Variants in NR3C2 observed in about 807,000 individuals in gnomAD.
NR3C2 encodes the protein nuclear receptor subfamily 3 group C member 2.
A neutral mutation model predicts 86.4 loss-of-function variants in NR3C2; 15 were observed. The ratio of observed to expected loss-of-function variants is 0.17; its 90% CI spans 0.12 to 0.27. The LOEUF (loss-of-function observed/expected upper bound fraction) is 0.27. Ranked by LOEUF, NR3C2 falls within the 10% of genes least tolerant of loss-of-function variation. The pLI is 1.00. For missense variants in NR3C2, 960 were observed against 1,195.6 expected (o/e 0.80, Z 2.91); for synonymous variants, 458 against 450.5 (o/e 1.02, Z -0.21).
intron 2 of NR3C2, among the ~76,000 whole-genome samples, chr4:148,420,937 A>G (rs1306657932): frequency 6.6e-6 from 1 of 152,150 alleles, no homozygotes; most frequent in Non-Finnish European, 1.5e-5. Context: ...AGATGCCTCC[A>G]TGCTTCCTGT....
At chr4:148,414,012 T>A (rs1331488445) in intron 2 of NR3C2, among the ~76,000 whole-genome samples, 1 of 152,206 alleles carries the variant, frequency 6.6e-6, no homozygotes, top group African/African-American at 2.4e-5. Flanking sequence ...AATTTGTCTC[T>A]GCAGCACTAC....
chr4:148,193,921 C>T (rs1736320800), intron 4 of NR3C2, among the ~76,000 whole-genome samples: 1 of 152,170 alleles, frequency 6.6e-6, no homozygotes, highest in Non-Finnish European at 1.5e-5. Flanking sequence ...GAATAATCTC[C>T]CATCCCTCCA....
At chr4:148,261,292 TAA>T (rs753684251) in intron 2 of NR3C2, among the ~76,000 whole-genome samples, 2 of 111,048 alleles carry the variant, frequency 1.8e-5, no homozygotes, top group East Asian at 5.9e-4. Context: ...AGCGCTATGG[TAA>T]GTGCTATGGT....
chr4:148,105,571 C>T (rs527408031), intron 8 of NR3C2, among the ~76,000 whole-genome samples: 2 of 152,052 alleles, frequency 1.3e-5, no homozygotes, highest in South Asian at 2.1e-4. Context: ...AGAGACACAA[C>T]AAAAAAAGAA....
At chr4:148,091,643 A>G (rs7695118) in intron 8 of NR3C2, among the ~76,000 whole-genome samples, 90,616 of 152,110 alleles carry the variant, frequency 0.6, 27,314 homozygotes, top group East Asian at 0.82. Context: ...CTGTACATTC[A>G]TGTGGGCACC....
chr4:148,311,145 CCTT>C (rs1561033685), intron 2 of NR3C2, among the ~76,000 whole-genome samples: 1 of 152,158 alleles, frequency 6.6e-6, no homozygotes, highest in Non-Finnish European at 1.5e-5. Context: ...GCCAACTCCT[CCTT>C]ATCTTCCCAG....
intron 2 of NR3C2, among the ~76,000 whole-genome samples, chr4:148,324,499 G>C (rs894136230): frequency 6.6e-6 from 1 of 152,150 alleles, no homozygotes; most frequent in African/African-American, 2.4e-5. Flanking sequence ...GAGGCAGAGA[G>C]TAGAAGAGTG....
At chr4:148,260,170 A>G in intron 2 of NR3C2, 53 bp from the exon 3 acceptor site, 5 of 1,609,074 alleles carry the variant, frequency 3.1e-6, no homozygotes, top group Non-Finnish European at 4.2e-6. Flanking sequence ...CACATTTAAC[A>G]TGCTGCACAG....
chr4:148,110,167 C>T (rs1269737205), intron 8 of NR3C2, among the ~76,000 whole-genome samples: 6 of 152,212 alleles, frequency 3.9e-5, no homozygotes, highest in Non-Finnish European at 7.3e-5. Context: ...GATTGACATT[C>T]AGAGGACTTA....
chr4:148,092,891 A>C (rs1314069631), intron 8 of NR3C2, among the ~76,000 whole-genome samples: 5 of 152,166 alleles, frequency 3.3e-5, no homozygotes, highest in African/African-American at 9.7e-5. Context: ...AGCATGAGTG[A>C]CTTCATTGCA....
intron 2 of NR3C2, among the ~76,000 whole-genome samples, chr4:148,285,391 T>C (rs1741467567): frequency 6.6e-6 from 1 of 152,062 alleles, no homozygotes; most frequent in East Asian, 1.9e-4. Context: ...GTCCAGAAAA[T>C]ATACTTCTCC....
chr4:148,148,725 C>T (rs1320177668), intron 6 of NR3C2, among the ~76,000 whole-genome samples: 1 of 152,196 alleles, frequency 6.6e-6, no homozygotes, highest in African/African-American at 2.4e-5. Flanking sequence ...ACTAGATCAA[C>T]CTCTCCCATT....
At chr4:148,362,602 TAC>T (rs1422867047) in intron 2 of NR3C2, among the ~76,000 whole-genome samples, 1 of 152,202 alleles carries the variant, frequency 6.6e-6, no homozygotes, top group Admixed American at 6.5e-5. Flanking sequence ...GCTCAAAAGT[TAC>T]AGAGTTATAG....
chr4:148,359,491 C>A (rs1459248145), intron 2 of NR3C2, among the ~76,000 whole-genome samples: 1 of 152,138 alleles, frequency 6.6e-6, no homozygotes, highest in South Asian at 2.1e-4. Flanking sequence ...TCACAAATGG[C>A]AGATATATCT....
intron 2 of NR3C2, among the ~76,000 whole-genome samples, chr4:148,341,246 T>C (rs1345503235): frequency 6.6e-6 from 1 of 152,116 alleles, no homozygotes; most frequent in African/African-American, 2.4e-5. Flanking sequence ...TTTTAAAAAG[T>C]GATACTAACA....
intron 3 of NR3C2, among the ~76,000 whole-genome samples, chr4:148,257,058 C>T (rs537948684): frequency 9.4e-4 from 143 of 152,088 alleles, no homozygotes; most frequent in Non-Finnish European, 1.6e-3. Context: ...CTTGTCTGCT[C>T]TCTAGGGATT....
intron 4 of NR3C2, among the ~76,000 whole-genome samples, chr4:148,159,817 G>A (rs1734574099): frequency 6.6e-6 from 1 of 152,214 alleles, no homozygotes; most frequent in Non-Finnish European, 1.5e-5. Context: ...TAAGGAACAT[G>A]TTTCTATTAA....
In NR3C2 at chr4:148,328,629, T is replaced by C. The variant is rs149246499; in HGVS notation, c.1758-68512A>G. 2.5e-3 allele frequency among the ~76,000 whole-genome samples: 384 copies of C among 152,306 alleles called. 3 individuals carry two copies. The highest frequency in any genetic ancestry group is 8.6e-3 in the African/African-American group (359 of 41,574). On this transcript the variant is annotated intron_variant, in intron 2 of 8. Coordinates refer to ENST00000358102, the MANE Select transcript of NR3C2 (RefSeq NM_000901.5). ...TCCTCTCCTCTGTATTCAGGAGTTA[T>C]CTACCCAGCCAATCTAGATTCTTAC...
At chr4:148,431,346 T>C (rs776037786) in intron 2 of NR3C2, among the ~76,000 whole-genome samples, 8 of 152,140 alleles carry the variant, frequency 5.3e-5, no homozygotes, top group Non-Finnish European at 8.8e-5. Flanking sequence ...TTAGCAAGTA[T>C]GTTAAAGGAT....
Sources: allele counts gnomAD v4.1 joint callset (sites outside exome capture counted in the v4.1 genomes callset), GRCh38; gene constraint gnomAD v4.1.1; transcripts MANE v1.5; gene names NCBI Gene and HGNC (gene_info 2026-07-23, HGNC 2026-07-21).